DLGAP1: variants seen among roughly 807,000 people sequenced by gnomAD.
The protein encoded by DLGAP1 is DLG associated protein 1.
Under a neutral mutation model 90.8 loss-of-function variants are expected in DLGAP1, and 11 were observed. The ratio of observed to expected loss-of-function variants is 0.12; its 90% confidence interval spans 0.08 to 0.20. The LOEUF is 0.20. Ranked by LOEUF, DLGAP1 falls within the 10% of genes least tolerant of loss-of-function variation. DLGAP1 has a pLI of 1.00. For missense variants in DLGAP1, 1,050 were observed against 1,333.8 expected (o/e 0.79, Z 3.31); for synonymous variants, 558 against 540.7 (o/e 1.03, Z -0.44).
intron 1 of DLGAP1, among the ~76,000 whole-genome samples, chr18:4,211,877 C>T (rs901678140): frequency 1.3e-5 from 2 of 152,170 alleles, no homozygotes; most frequent in Non-Finnish European, 2.9e-5. Flanking sequence ...TTCTTCACCC[C>T]TTCTCCTTTT....
chr18:4,453,995 C>T (rs2083902469), intron 1 of DLGAP1, among the ~76,000 whole-genome samples: 1 of 152,202 alleles, frequency 6.6e-6, no homozygotes, highest in Admixed American at 6.5e-5. Flanking sequence ...GGGCTGGAGG[C>T]AAGCCCTGCA....
At chr18:4,057,372 A>C (rs991563466) in intron 2 of DLGAP1, among the ~76,000 whole-genome samples, 8 of 152,318 alleles carry the variant, frequency 5.3e-5, no homozygotes, top group African/African-American at 1.9e-4. Flanking sequence ...GTAAGGGAAA[A>C]ACACCTCAAG....
intron 1 of DLGAP1, among the ~76,000 whole-genome samples, chr18:4,437,190 C>T (rs2083420701): frequency 6.6e-6 from 1 of 152,122 alleles, no homozygotes; most frequent in African/African-American, 2.4e-5. Context: ...GAAACATTGA[C>T]AGAGATTTTT....
intron 2 of DLGAP1, among the ~76,000 whole-genome samples, chr18:4,078,166 C>T (rs182889002): frequency 1.3e-5 from 2 of 152,104 alleles, no homozygotes; most frequent in African/African-American, 2.4e-5. Context: ...ACAATGGGAT[C>T]GAATCTTTAC....
At chr18:4,429,425 A>C (rs1427980603) in intron 1 of DLGAP1, among the ~76,000 whole-genome samples, 1 of 152,228 alleles carries the variant, frequency 6.6e-6, no homozygotes, top group East Asian at 1.9e-4. Flanking sequence ...TAAAGTGAAC[A>C]TTTATAAAGT....
intron 2 of DLGAP1, among the ~76,000 whole-genome samples, chr18:4,117,371 CT>C (rs1362642759): frequency 2.6e-5 from 4 of 152,182 alleles, no homozygotes; most frequent in Non-Finnish European, 5.9e-5. Flanking sequence ...AAAACTGGAA[CT>C]TTTGCATAAT....
chr18:3,640,261 C>T (rs182556691), intron 7 of DLGAP1, among the ~76,000 whole-genome samples: 38 of 152,280 alleles, frequency 2.5e-4, no homozygotes, highest in African/African-American at 7.7e-4. Flanking sequence ...ACTATGTTGT[C>T]CTGTTCTCTT....
At chr18:4,305,172 C>T (rs372872200) in intron 1 of DLGAP1, among the ~76,000 whole-genome samples, 4 of 151,904 alleles carry the variant, frequency 2.6e-5, no homozygotes, top group Admixed American at 1.3e-4. Flanking sequence ...TGTGCTTATG[C>T]GGTGAAGGAA....
In DLGAP1 at chr18:4,383,077, T is replaced by C. The variant is rs2144339149; in HGVS notation, c.-267+71929A>G. Among the ~76,000 whole-genome samples, 1 of 152,288 alleles carries C rather than the reference T, an allele frequency of 6.6e-6. No individual in the cohort carries two copies. Among genetic ancestry groups the C allele is most frequent in the African/African-American group, 2.4e-5 (1 of 41,552 alleles). ...CCTAATAGAGGTCAAATGACTGATC[T>C]GCCTGCTAACAGAGTTTAGCAAAGG... On this transcript the variant is annotated intron_variant, in intron 1 of 12. Coordinates refer to ENST00000315677, the MANE Select transcript of DLGAP1 (RefSeq NM_004746.4). This position sits in a 1 kb window ranked among gnomAD's most constrained non-coding sequence, Gnocchi z 4.0.
intron 1 of DLGAP1, among the ~76,000 whole-genome samples, chr18:4,367,262 A>G (rs900357012): frequency 1.3e-5 from 2 of 151,910 alleles, no homozygotes; most frequent in Non-Finnish European, 2.9e-5. Flanking sequence ...CAGTTAGTGC[A>G]CATATCGTTT....
chr18:3,599,376 T>C (rs151135786), intron 7 of DLGAP1, among the ~76,000 whole-genome samples: 356 of 152,294 alleles, frequency 2.3e-3, no homozygotes, highest in Non-Finnish European at 4.3e-3. Context: ...AATGGAGTAC[T>C]TGAATTTGTC....
chr18:4,156,331 C>T (rs1453561790), intron 1 of DLGAP1, among the ~76,000 whole-genome samples: 1 of 152,106 alleles, frequency 6.6e-6, no homozygotes, highest in African/African-American at 2.4e-5. Flanking sequence ...TTCCTATTTC[C>T]ACCACCACAG....
intron 5 of DLGAP1, among the ~76,000 whole-genome samples, chr18:3,807,400 C>T (rs1325928434): frequency 1.3e-5 from 2 of 152,110 alleles, no homozygotes; most frequent in East Asian, 3.9e-4. Flanking sequence ...AATCTTAGCT[C>T]TGACATTTGA....
intron 2 of DLGAP1, among the ~76,000 whole-genome samples, chr18:4,101,940 A>G (rs2075785211): frequency 1.3e-5 from 2 of 152,172 alleles, no homozygotes; most frequent in South Asian, 4.2e-4. Context: ...TTATACATAT[A>G]CAAGCAGTTA....
chr18:3,653,830 A>G lies in DLGAP1; in HGVS notation c.1592-71582T>C, dbSNP rs776293440. The G allele has an allele frequency of 1.3e-5, 2 of 152,170 alleles. No homozygotes were observed. Among genetic ancestry groups the G allele is most frequent in the Admixed American group, 6.5e-5 (1 of 15,274 alleles). The allele number at this position is 152,170 out of a possible 1,614,324, so 9.4% of individuals were successfully genotyped here. On this transcript the variant is annotated intron_variant, in intron 7 of 12. Coordinates refer to ENST00000315677, the MANE Select transcript of DLGAP1 (RefSeq NM_004746.4). The surrounding 1 kb of genome is among the most constrained non-coding windows in gnomAD (Gnocchi z 4.6). ...TCCACTGATGTGCACACTCTTTGAC[A>G]TGAAAAGCTGCACGAAGCTGCCTTG... is the stretch of plus-strand genomic sequence containing the variant.
At chr18:4,340,350 G>A (rs1458340965) in intron 1 of DLGAP1, among the ~76,000 whole-genome samples, 1 of 151,990 alleles carries the variant, frequency 6.6e-6, no homozygotes, top group African/African-American at 2.4e-5. Flanking sequence ...GACAGAGTGA[G>A]GTTTCATCAC....
At chr18:4,101,792 CAT>C (rs757779803) in intron 2 of DLGAP1, among the ~76,000 whole-genome samples, 26 of 151,750 alleles carry the variant, frequency 1.7e-4, no homozygotes, top group Admixed American at 1.2e-3. Flanking sequence ...ATTATACACA[CAT>C]ATATAATATA....
intron 2 of DLGAP1, among the ~76,000 whole-genome samples, chr18:4,030,582 T>C (rs1329625102): frequency 6.6e-6 from 1 of 152,056 alleles, no homozygotes; most frequent in South Asian, 2.1e-4. Flanking sequence ...GGTTGCCAAG[T>C]GGAGGTAGCT....
chr18:3,842,905 T>C (rs1469112904), intron 4 of DLGAP1, among the ~76,000 whole-genome samples: 5 of 152,330 alleles, frequency 3.3e-5, no homozygotes, highest in Middle Eastern at 3.4e-3. Context: ...AGTGATACTT[T>C]AGTTCTCTCT....
Sources: gnomAD v4.1 joint callset for allele counts (sites outside exome capture counted in the v4.1 genomes callset) on GRCh38, gnomAD v4.1.1 for gene constraint, Gnocchi (gnomAD v3.1) non-coding constraint, MANE v1.5 for transcripts, NCBI Gene and HGNC (gene_info 2026-07-23, HGNC 2026-07-21) for gene names.